Variants in SLC2A9 observed in about 807,000 individuals in gnomAD.
SLC2A9 encodes the protein solute carrier family 2 member 9.
Under a neutral mutation model 50.6 loss-of-function variants are expected in SLC2A9, and 39 were observed. The ratio of observed to expected loss-of-function variants is 0.77; its 90% CI spans 0.60 to 1.01. The LOEUF is 1.01. Ranked by LOEUF, SLC2A9 falls within the 50% of genes least tolerant of loss-of-function variation. SLC2A9 has a pLI of 0.00. For missense variants in SLC2A9, 686 were observed against 677.6 expected (o/e 1.01, Z -0.14); for synonymous variants, 324 against 276.9 (o/e 1.17, Z -1.69).
chr4:9,803,405 T>C (rs938120177), intron 3 of SLC2A9, among the ~76,000 whole-genome samples: 31 of 152,242 alleles, frequency 2.0e-4, no homozygotes, highest in Admixed American at 1.9e-3. Context: ...AATTATTTAT[T>C]TAAATCCTCA....
intron 3 of SLC2A9, among the ~76,000 whole-genome samples, chr4:9,811,321 A>AT (rs1294840168): frequency 6.6e-6 from 1 of 152,250 alleles, no homozygotes; most frequent in African/African-American, 2.4e-5. Flanking sequence ...CTCTCCTTAA[A>AT]TTCGGGCTGG....
At chr4:9,887,205 C>A (rs933546262) in intron 10 of SLC2A9, among the ~76,000 whole-genome samples, 5 of 152,220 alleles carry the variant, frequency 3.3e-5, no homozygotes, top group African/African-American at 1.2e-4. Context: ...ATGATTATTG[C>A]CACATCTTTC....
At chr4:9,772,848 G>A (rs1296076769) in intron 1 of SLC2A9, among the ~76,000 whole-genome samples, 1 of 148,544 alleles carries the variant, frequency 6.7e-6, no homozygotes, top group African/African-American at 2.5e-5. Context: ...TATACTCTAA[G>A]TTTTAGGGTA....
At chr4:9,906,904 C>G (rs1217766268) in intron 8 of SLC2A9, among the ~76,000 whole-genome samples, 1 of 152,178 alleles carries the variant, frequency 6.6e-6, no homozygotes, top group African/African-American at 2.4e-5. Context: ...ATAAAAAGAC[C>G]ACAAAGTGGA....
At chr4:9,852,966 G>A (rs554487799) in intron 10 of SLC2A9, among the ~76,000 whole-genome samples, 8 of 152,238 alleles carry the variant, frequency 5.3e-5, no homozygotes, top group South Asian at 2.1e-4. Context: ...CAAGGTGTGC[G>A]GATCACTTAA....
At chr4:10,007,945 A>T (rs991023154) in intron 2 of SLC2A9, among the ~76,000 whole-genome samples, 1 of 152,248 alleles carries the variant, frequency 6.6e-6, no homozygotes, top group East Asian at 1.9e-4. Flanking sequence ...GTCAGCATAC[A>T]GCAGGTGCTC....
chr4:9,811,023 A>G (rs1722820226), intron 3 of SLC2A9, among the ~76,000 whole-genome samples: 1 of 152,172 alleles, frequency 6.6e-6, no homozygotes, highest in Non-Finnish European at 1.5e-5. Flanking sequence ...GGTGGCTCTG[A>G]AAGAGTTGTC....
downstream of SLC2A9, among the ~76,000 whole-genome samples, chr4:9,775,693 C>T (rs1471867752): frequency 6.6e-6 from 1 of 152,160 alleles, no homozygotes; most frequent in Non-Finnish European, 1.5e-5. Flanking sequence ...TGTGCCTGCT[C>T]ATGATTGTAA....
chr4:9,953,259 GC>G (rs2108861210), intron 5 of SLC2A9, among the ~76,000 whole-genome samples: 1 of 152,340 alleles, frequency 6.6e-6, no homozygotes, highest in Admixed American at 6.5e-5. Flanking sequence ...GAGAACCAAA[GC>G]CCAGAGAGCC....
At chr4:9,956,341 C>G (rs1751283004) in intron 5 of SLC2A9, among the ~76,000 whole-genome samples, 1 of 151,110 alleles carries the variant, frequency 6.6e-6, no homozygotes, top group South Asian at 2.1e-4. Context: ...AAAAAATTAG[C>G]CGGGCATGGT....
intron 5 of SLC2A9, among the ~76,000 whole-genome samples, chr4:9,961,139 T>C (rs926181376): frequency 6.6e-6 from 1 of 152,162 alleles, no homozygotes; most frequent in African/African-American, 2.4e-5. Context: ...AATTCAAACC[T>C]TTAACTTCCT....
intron 10 of SLC2A9, among the ~76,000 whole-genome samples, chr4:9,859,826 G>A (rs1012063434): frequency 2.0e-5 from 3 of 152,202 alleles, no homozygotes; most frequent in Non-Finnish European, 2.9e-5. Flanking sequence ...GGGAGCGCCT[G>A]CTCTCTTTGC....
At chr4:9,988,548 T>C (rs4502681) in intron 3 of SLC2A9, among the ~76,000 whole-genome samples, 12,453 of 152,256 alleles carry the variant, frequency 0.082, 834 homozygotes, top group East Asian at 0.39. Context: ...GCTGACTCAC[T>C]GGGCTTCAGA....
chr4:9,876,965 T>C (rs934186030), intron 10 of SLC2A9, among the ~76,000 whole-genome samples: 3 of 152,272 alleles, frequency 2.0e-5, no homozygotes, highest in Admixed American at 6.5e-5. Context: ...TATGACTATA[T>C]GCCAAGTTGG....
At chr4:9,923,853 T>C (rs1231650938) in intron 6 of SLC2A9, 1 of 152,338 alleles carries the variant, frequency 6.6e-6, no homozygotes, top group Non-Finnish European at 1.5e-5. Flanking sequence ...TATCTGGCTC[T>C]TTCCTCAATC....
chr4:10,037,995 G>A (rs990189503), intron 1 of SLC2A9, among the ~76,000 whole-genome samples: 1 of 151,974 alleles, frequency 6.6e-6, no homozygotes, highest in East Asian at 1.9e-4. Context: ...CAGGACCCAC[G>A]GTAGCTGTGA....
chr4:9,807,168 A>G (rs2108968240), intron 3 of SLC2A9, among the ~76,000 whole-genome samples: 1 of 152,230 alleles, frequency 6.6e-6, no homozygotes, highest in South Asian at 2.1e-4. Context: ...TCCACAAGGG[A>G]TCAACTTCAG....
chr4:9,837,965 G>A lies in SLC2A9; in HGVS notation c.1292-2957C>T, dbSNP rs79615309. On this transcript the variant is annotated intron_variant, in intron 10 of 11. Transcript: ENST00000264784. The stretch of plus-strand genomic sequence containing the variant: ...TATCTCAGCTAAATCTTTCTAGAAC[G>A]GAATTCTCTCACCTGTAAAGTGAGT... Among the ~76,000 whole-genome samples the A allele has an allele frequency of 2.9e-3, 446 of 152,272 alleles. 6 individuals are homozygous for A. The highest frequency in any genetic ancestry group is 0.01 in the African/African-American group (430 of 41,558).
intron 2 of SLC2A9, among the ~76,000 whole-genome samples, chr4:9,998,573 T>C (rs1458967368): frequency 6.6e-6 from 1 of 152,176 alleles, no homozygotes; most frequent in Non-Finnish European, 1.5e-5. Flanking sequence ...ACAGCCATCT[T>C]GGAAAACAGC....
Sources: gnomAD v4.1 joint callset for allele counts (sites outside exome capture counted in the v4.1 genomes callset) on GRCh38, gnomAD v4.1.1 for gene constraint, MANE v1.5 for transcripts, NCBI Gene and HGNC (gene_info 2026-07-23, HGNC 2026-07-21) for gene names.